SPEN: variants seen among roughly 807,000 people sequenced by gnomAD.
The protein encoded by SPEN is spen family transcriptional repressor.
A neutral mutation model predicts 269.9 loss-of-function variants in SPEN; 18 were observed. The observed-to-expected ratio is 0.07, with a 90% CI of 0.05 to 0.10. The LOEUF is 0.10. SPEN is among the 10% of genes least tolerant of loss of function. The pLI is 1.00. For missense variants in SPEN, 3,822 were observed against 4,631.2 expected (o/e 0.83, Z 5.07); for synonymous variants, 1,726 against 1,765.7 (o/e 0.98, Z 0.56).
chr1:15,848,180 C>T lies in SPEN; in HGVS notation c.83+30C>T, dbSNP rs1290339121. ...GTGACACGAGGCCCGCGGCCGCGCT[C>T]GCTCCTCGGGCGCCGCTTCCCGCCC... On this transcript the variant is annotated intron_variant, in intron 1 of 14. Transcript: ENST00000375759. The surrounding 1 kb of genome is among the most constrained non-coding windows in gnomAD (Gnocchi z 5.1). The T allele has an allele frequency of 4.2e-6, 6 of 1,415,620 alleles. No individual in the cohort carries two copies. The highest frequency in any genetic ancestry group is 4.7e-6 in the Non-Finnish European group (5 of 1,061,766). The allele number at this position is 1,415,620 out of a possible 1,614,324, so 87.7% of individuals were successfully genotyped here. A position where few individuals can be genotyped will look rare whatever the true frequency, so the allele number is the denominator to read the frequency against.
chr1:15,870,605 A>G (rs1004705636), intron 1 of SPEN, among the ~76,000 whole-genome samples: 4 of 152,216 alleles, frequency 2.6e-5, no homozygotes, highest in African/African-American at 9.6e-5. Flanking sequence ...ATTGTTTTCT[A>G]TAGTAGCATG....
At chr1:15,853,844 T>C (rs559194210) in intron 1 of SPEN, among the ~76,000 whole-genome samples, 2 of 152,212 alleles carry the variant, frequency 1.3e-5, no homozygotes, top group Admixed American at 6.5e-5. Flanking sequence ...AATTTTTGTA[T>C]TTTTAGTAGA....
chr1:15,935,922 C>G lies in SPEN; in HGVS notation c.9682C>G (p.Gln3228Glu). ...KVPPASKAPQ[Q>E]PGKEAAKTPD... ...GCCACCAGCCAGCAAGGCCCCTCAGCAGCCAGGGAAGGAAGCTGCCAAGAC... is the reference window on the plus strand; with the variant it reads ...GCCACCAGCCAGCAAGGCCCCTCAGGAGCCAGGGAAGGAAGCTGCCAAGAC... The change falls in exon 11 of 15, where the codon CAG becomes GAG. Residue 3228 changes from glutamine (Q) to glutamate (E), a missense_variant. Gln to Glu is a conservative substitution (Grantham distance 29, BLOSUM62 2). This residue lies in a region of SPEN where 359 missense variants were observed against 377.3 expected (regional missense o/e 0.95). Coordinates refer to ENST00000375759, the MANE Select transcript of SPEN (RefSeq NM_015001.3). This position sits in a 1 kb window ranked among gnomAD's most constrained non-coding sequence, Gnocchi z 7.7. The G allele has an allele frequency of 6.2e-7, 1 of 1,612,298 alleles. No homozygotes were observed. The highest frequency in any genetic ancestry group is 1.3e-5 in the African/African-American group (1 of 74,964).
intron 3 of SPEN, among the ~76,000 whole-genome samples, chr1:15,903,839 G>A (rs1010600341): frequency 3.3e-5 from 5 of 152,072 alleles, no homozygotes; most frequent in African/African-American, 1.2e-4. Context: ...ATGTAATATT[G>A]TTGTGCTTGG....
rs1249864060 is a variant in SPEN, at chr1:15,919,474, A to G, written c.1592A>G (p.Gln531Arg). 4 of 1,607,048 alleles carry G rather than the reference A, an allele frequency of 2.5e-6. No individual in the cohort carries two copies. The South Asian group carries it at 4.5e-5, about 18-fold the overall frequency. Residue 531 changes from glutamine (Q) to arginine (R), a missense_variant, in exon 8 of 15, where the codon CAG (glutamine) becomes CGG (arginine). Around this residue, in one of 16 missense-constraint regions of SPEN, gnomAD observed 230 missense variants for 426.1 expected, o/e 0.54. Transcript: ENST00000375759. ...GGGCTTTCTTCGAATGTGTCAGATCAGTATTTAACACGACATTTCTGCCGA... is the reference window on the plus strand; with the variant it reads ...GGGCTTTCTTCGAATGTGTCAGATCGGTATTTAACACGACATTTCTGCCGA... Reference protein sequence around the residue: ...LDGLSSNVSDQYLTRHFCRYG... With the variant: ...LDGLSSNVSDRYLTRHFCRYG...
rs1251415254 is a variant in SPEN at position 15,937,428 on chromosome 1, T to C, written c.10292T>C (p.Phe3431Ser). 6.2e-7 allele frequency: 1 copy of C among 1,613,356 alleles called. No individual in the cohort carries two copies. Among genetic ancestry groups the C allele is most frequent in the African/African-American group, 1.3e-5 (1 of 74,776 alleles). ...CAAGCAGAAACAGGCCCGACTTCCT[T>C]CCCCTCCCCTGTGTCTGTCTCCATG... ...RAQAETGPTS[F>S]PSPVSVSMKP... The change falls in exon 12 of 15, where the codon TTC (phenylalanine) becomes TCC (serine). Residue 3431 changes from phenylalanine to serine, a missense_variant. By Grantham distance (155) the Phe-to-Ser change is radical. Coordinates refer to ENST00000375759, the MANE Select transcript of SPEN (RefSeq NM_015001.3). This position sits in a 1 kb window ranked among gnomAD's most constrained non-coding sequence, Gnocchi z 5.7.
At chr1:15,902,909 A>G (rs1393061230) in intron 3 of SPEN, among the ~76,000 whole-genome samples, 2 of 152,156 alleles carry the variant, frequency 1.3e-5, no homozygotes, top group Non-Finnish European at 2.9e-5. Flanking sequence ...GGTTTATGCC[A>G]GAGTTTTGTT....
intron 2 of SPEN, among the ~76,000 whole-genome samples, chr1:15,875,116 A>T (rs2070617701): frequency 6.6e-6 from 1 of 152,192 alleles, no homozygotes; most frequent in Admixed American, 6.5e-5. Context: ...TTAGGAACTC[A>T]GGAGCTGAGT....
chr1:15,870,995 T>G (rs2070567477), intron 1 of SPEN, among the ~76,000 whole-genome samples: 1 of 152,214 alleles, frequency 6.6e-6, no homozygotes, highest in African/African-American at 2.4e-5. Context: ...TTTTTTTCTT[T>G]TTTGAGATGG....
At chr1:15,889,409 G>A (rs1343462872) in intron 3 of SPEN, among the ~76,000 whole-genome samples, 1 of 151,546 alleles carries the variant, frequency 6.6e-6, no homozygotes, top group African/African-American at 2.4e-5. Flanking sequence ...CCAGTGATCT[G>A]CCCACCTCAA....
chr1:15,857,284 C>T (rs573240950), intron 1 of SPEN, among the ~76,000 whole-genome samples: 6 of 151,732 alleles, frequency 4.0e-5, no homozygotes, highest in African/African-American at 7.3e-5. Context: ...AGGCTGGTCT[C>T]GAACTCCTGG....
Position 15,933,991 on chromosome 1 carries a change from A to G in SPEN, c.7751A>G (p.Glu2584Gly). The G allele has an allele frequency of 1.9e-6, 3 of 1,614,036 alleles. No homozygotes were observed. Among genetic ancestry groups the G allele is most frequent in the East Asian group, 2.2e-5 (1 of 44,878 alleles). Residue 2584 changes from glutamate to glycine, a missense_variant, in exon 11 of 15, where the codon GAA becomes GGA. Transcript: ENST00000375759. The surrounding 1 kb of genome is among the most constrained non-coding windows in gnomAD (Gnocchi z 5.7). The part of the protein sequence containing the change: ...PPVDSKKPLE[E>G]KTAPPVTNNS... Reference sequence around the variant, plus strand: ...GTTGACTCTAAAAAGCCTTTAGAAGAAAAAACAGCACCTCCAGTGACAAAC... The same window carrying G: ...GTTGACTCTAAAAAGCCTTTAGAAGGAAAAACAGCACCTCCAGTGACAAAC...
In SPEN at chr1:15,937,172, C is replaced by A. The variant is rs561276936; in HGVS notation, c.10036C>A (p.Pro3346Thr). 9.3e-6 allele frequency: 15 copies of A among 1,611,380 alleles called. No individual in the cohort carries two copies. Among genetic ancestry groups the A allele is most frequent in the Non-Finnish European group, 1.2e-5 (14 of 1,178,522 alleles). ...RTKTAAQGPP[P>T]EGEPLQPPQP... ...TCCTTCCCTACACCAGGGCCCTCCT[C>A]CTGAAGGTGAGCCCCTGCAGCCTCC... Residue 3346 changes from proline to threonine, a missense_variant, in exon 12 of 15, where the codon CCT becomes ACT. Around this residue, in one of 16 missense-constraint regions of SPEN, gnomAD observed 359 missense variants for 377.3 expected, o/e 0.95. Transcript: ENST00000375759. This position sits in a 1 kb window ranked among gnomAD's most constrained non-coding sequence, Gnocchi z 5.7.
chr1:15,853,923 C>T (rs1449233755), intron 1 of SPEN, among the ~76,000 whole-genome samples: 1 of 152,120 alleles, frequency 6.6e-6, no homozygotes, highest in Non-Finnish European at 1.5e-5. Context: ...CCTCGGCCTC[C>T]CAAAGTGCTG....
intron 3 of SPEN, among the ~76,000 whole-genome samples, chr1:15,883,966 C>T (rs574700798): frequency 7.7e-4 from 117 of 151,968 alleles, no homozygotes; most frequent in Non-Finnish European, 1.2e-3. Flanking sequence ...CCCGCCACCC[C>T]GCCCGGATAA....
At chr1:15,919,589 C>A in intron 8 of SPEN, 72 bp downstream of exon 8, 2 of 932,464 alleles carry the variant, frequency 2.1e-6, no homozygotes, top group Non-Finnish European at 3.2e-6. Flanking sequence ...CTTTCAGTCT[C>A]AGTTGGCTAG....
rs2071244198 is a variant in SPEN at position 15,933,578 on chromosome 1, C to G, written c.7338C>G (p.Ala2446=). The G allele has an allele frequency of 6.2e-7, 1 of 1,614,040 alleles. No individual in the cohort carries two copies. The highest frequency in any genetic ancestry group is 2.2e-5 in the East Asian group (1 of 44,874). ...QPAPVDEEPQ[A]RFRVHSIIES... is the part of the protein sequence containing the mutation. ...CACCGGTGGATGAGGAGCCTCAAGC[C>G]AGGTTCAGGGTGCATTCCATCATTG... The change falls in exon 11 of 15, where the codon GCC becomes GCG. Residue 2446 remains alanine (A), a synonymous_variant. Coordinates refer to ENST00000375759, the MANE Select transcript of SPEN (RefSeq NM_015001.3). The surrounding 1 kb of genome is among the most constrained non-coding windows in gnomAD (Gnocchi z 5.7).
intron 3 of SPEN, among the ~76,000 whole-genome samples, chr1:15,899,590 T>G (rs1344713292): frequency 5.2e-5 from 7 of 135,870 alleles, no homozygotes; most frequent in African/African-American, 1.6e-4. Flanking sequence ...TATGCTGAAC[T>G]CGAACTCCTG....
At chr1:15,923,572 T>C (rs1021579645) in intron 10 of SPEN, among the ~76,000 whole-genome samples, 3 of 152,212 alleles carry the variant, frequency 2.0e-5, no homozygotes, top group African/African-American at 4.8e-5. Context: ...CCCTTTCTAC[T>C]GCCTCTTCTT....
Sources: allele counts gnomAD v4.1 joint callset (sites outside exome capture counted in the v4.1 genomes callset), GRCh38; gene constraint gnomAD v4.1.1; regional missense constraint gnomAD v4.1.1; non-coding constraint Gnocchi (gnomAD v3.1); transcripts MANE v1.5; gene names NCBI Gene and HGNC (gene_info 2026-07-23, HGNC 2026-07-21).